Variants in DEUP1 observed in about 807,000 individuals in gnomAD.
DEUP1 encodes the protein deuterosome assembly protein 1, also known as coiled-coil domain containing 67.
A neutral mutation model predicts 87.4 loss-of-function variants in DEUP1; 82 were observed. That is an observed-to-expected ratio of 0.94 (90% CI 0.78 to 1.13). DEUP1 has a LOEUF of 1.13. Ranked by LOEUF, DEUP1 falls within the 50% of genes most tolerant of loss-of-function variation. DEUP1 has a pLI of 0.00. For synonymous variants in DEUP1, 214 were observed against 222.7 expected (o/e 0.96, Z 0.35); for missense variants, 663 against 681.5 (o/e 0.97, Z 0.30).
chr11:93,352,419 T>C (rs1457577835), intron 2 of DEUP1: 3 of 702,064 alleles, frequency 4.3e-6, no homozygotes, highest in Non-Finnish European at 7.8e-6. Flanking sequence ...GTGAGAGCAC[T>C]TACCAATCTG....
At chr11:93,433,995 G>A (rs1243956439) in intron 13 of DEUP1, among the ~76,000 whole-genome samples, 1 of 152,180 alleles carries the variant, frequency 6.6e-6, no homozygotes, top group African/African-American at 2.4e-5. Context: ...CTCCAGTTCG[G>A]TGGAGGGCAG....
At position 93,396,326 on chromosome 11, in the gene DEUP1, G is replaced by T; in HGVS notation, c.1326+1G>T. ...AGATTTAGACCCCGGAGAATACATG[G>T]TAATATGCTGACATCATTCAATAAA... On this transcript the variant is annotated splice_donor_variant, in intron 11 of 13. Coordinates refer to ENST00000298050, the MANE Select transcript of DEUP1 (RefSeq NM_181645.4). LOFTEE classifies it high-confidence loss of function. 6.6e-7 allele frequency: 1 copy of T among 1,506,660 alleles called. No homozygotes were observed. The highest frequency in any genetic ancestry group is 2.3e-5 in the East Asian group (1 of 42,796). The allele number at this position is 1,506,660 out of a possible 1,614,324, so 93.3% of individuals were successfully genotyped here.
rs1182285817 is a variant in DEUP1, at chr11:93,380,109, A to G, written c.790-5289A>G. Reference sequence around the variant, plus strand: ...GGAGTGTGACCAGCATCTAGTGGGTAGAGGCCAGAGATGCTGTTAAACACC... The same window carrying G: ...GGAGTGTGACCAGCATCTAGTGGGTGGAGGCCAGAGATGCTGTTAAACACC... On this transcript the variant is annotated intron_variant, in intron 7 of 13. Transcript: ENST00000298050. Among the ~76,000 whole-genome samples the G allele has an allele frequency of 2.0e-5, 3 of 152,184 alleles. No individual in the cohort carries two copies. In the East Asian group the frequency reaches 5.8e-4, roughly 29 times the overall value.
chr11:93,419,515 G>C (rs1250111632), intron 13 of DEUP1, among the ~76,000 whole-genome samples: 1 of 152,070 alleles, frequency 6.6e-6, no homozygotes, highest in Non-Finnish European at 1.5e-5. Flanking sequence ...CCCTGGTGCT[G>C]ACATTGAAAT....
At chr11:93,418,635 G>T (rs1374198682) in intron 13 of DEUP1, among the ~76,000 whole-genome samples, 3 of 151,696 alleles carry the variant, frequency 2.0e-5, no homozygotes, top group Admixed American at 6.6e-5. Context: ...GATTCCTCAG[G>T]GATCTAGAAC....
chr11:93,429,971 A>C (rs2658779), intron 13 of DEUP1, among the ~76,000 whole-genome samples: 126,203 of 152,094 alleles, frequency 0.83, 52,466 homozygotes, highest in East Asian at 0.91. Context: ...CCATCTTCTA[A>C]TGCATTTTGA....
intron 2 of DEUP1, among the ~76,000 whole-genome samples, chr11:93,335,169 T>TAAGA (rs202149940): frequency 1.3e-5 from 2 of 152,106 alleles, no homozygotes; most frequent in Non-Finnish European, 1.5e-5. Flanking sequence ...ACTCAAGAGA[T>TAAGA]ATTTACAAAA....
At chr11:93,394,854 A>G (rs960699705) in intron 10 of DEUP1, among the ~76,000 whole-genome samples, 198 bp downstream of exon 10, 16 of 152,198 alleles carry the variant, frequency 1.1e-4, no homozygotes, top group African/African-American at 3.9e-4. Context: ...GACTAGGGAA[A>G]TGACAGTGCA....
chr11:93,431,111 A>G (rs1427271850), intron 13 of DEUP1, among the ~76,000 whole-genome samples: 2 of 151,544 alleles, frequency 1.3e-5, no homozygotes, highest in Middle Eastern at 3.2e-3. Context: ...AAAAAAAAAA[A>G]AAAAGAAAGA....
At chr11:93,337,936 G>A (rs146793705) in intron 2 of DEUP1, among the ~76,000 whole-genome samples, 32 of 148,674 alleles carry the variant, frequency 2.2e-4, no homozygotes, top group African/African-American at 7.9e-4. Flanking sequence ...ATGTGTGAAT[G>A]TAGATATGTA....
chr11:93,332,156 T>C (rs1943524475), intron 1 of DEUP1, 60 bp from the exon 2 acceptor site: 12 of 1,155,234 alleles, frequency 1.0e-5, no homozygotes, highest in Middle Eastern at 2.0e-4. Context: ...AAAATTTTCA[T>C]GTTTTATAGG....
chr11:93,434,429 G>A (rs1948183537), intron 13 of DEUP1, among the ~76,000 whole-genome samples: 1 of 152,220 alleles, frequency 6.6e-6, no homozygotes, highest in African/African-American at 2.4e-5. Context: ...GGGCATGAGA[G>A]TACCAAAAGA....
chr11:93,333,109 CCTT>C (rs1451021131), intron 2 of DEUP1, among the ~76,000 whole-genome samples: 1 of 152,212 alleles, frequency 6.6e-6, no homozygotes, highest in African/African-American at 2.4e-5. Context: ...ACTGCATACT[CCTT>C]CTTACAACAG....
chr11:93,404,904 G>T (rs2134404166), intron 11 of DEUP1, among the ~76,000 whole-genome samples: 1 of 152,012 alleles, frequency 6.6e-6, no homozygotes, highest in African/African-American at 2.4e-5. Context: ...GTTTTGTAAA[G>T]GAAAATGTAC....
rs1565303549 is a variant in DEUP1 at position 93,356,981 on chromosome 11, GA to G, written c.240del (p.Lys80AsnfsTer4). On this transcript the variant is annotated frameshift_variant, in exon 4 of 14. Coordinates refer to ENST00000298050, the MANE Select transcript of DEUP1 (RefSeq NM_181645.4). LOFTEE classifies it high-confidence loss of function. ...ACTTCGACAGAAATTGGACAGTCTG[GA>G]AAAATGTAATTTAGCAATGACTCAG... ...GLLRQKLDSL[E>X]KCNLAMTQNY... The G allele has an allele frequency of 6.2e-7, 1 of 1,603,528 alleles. No homozygotes were observed. The highest frequency in any genetic ancestry group is 1.1e-5 in the South Asian group (1 of 88,140).
chr11:93,413,269 T>C, intron 12 of DEUP1, among the ~76,000 whole-genome samples: 1 of 144,482 alleles, frequency 6.9e-6, no homozygotes, highest in Non-Finnish European at 1.5e-5. Flanking sequence ...TGAGACGGAG[T>C]CTCTCTCTGT....
chr11:93,433,521 A>AAATC (rs536059370), intron 13 of DEUP1, among the ~76,000 whole-genome samples: 75 of 152,282 alleles, frequency 4.9e-4, no homozygotes, highest in African/African-American at 1.4e-3. Context: ...CACTGTCTCT[A>AAATC]AATCAATCAA....
intron 2 of DEUP1, among the ~76,000 whole-genome samples, chr11:93,347,888 T>G (rs747582074): frequency 4.6e-5 from 7 of 152,020 alleles, no homozygotes; most frequent in Non-Finnish European, 1.0e-4. Flanking sequence ...TACAGGCGCG[T>G]GCCACCACGC....
intron 13 of DEUP1, among the ~76,000 whole-genome samples, chr11:93,416,059 G>C (rs1015975457): frequency 6.6e-6 from 1 of 152,132 alleles, no homozygotes; most frequent in African/African-American, 2.4e-5. Context: ...GTCAGCTTTA[G>C]TAGGTACCGC....
Sources: gnomAD v4.1 joint callset for allele counts (sites outside exome capture counted in the v4.1 genomes callset) on GRCh38, gnomAD v4.1.1 for gene constraint, MANE v1.5 for transcripts, NCBI Gene and HGNC (gene_info 2026-07-23, HGNC 2026-07-21) for gene names.